RHOC: variants seen among roughly 807,000 people sequenced by gnomAD.
RHOC encodes the protein ras homolog family member C.
RHOC carries 13 observed loss-of-function variants against 19.5 expected under a neutral mutation model. The observed-to-expected ratio is 0.67, with a 90% confidence interval of 0.43 to 1.06. The LOEUF is 1.06. RHOC is among the 50% of genes least tolerant of loss of function. The pLI, the probability that RHOC is intolerant of heterozygous loss-of-function variation, is 0.00. For missense variants in RHOC, 173 were observed against 256.9 expected (o/e 0.67, Z 2.23); for synonymous variants, 106 against 97.3 (o/e 1.09, Z -0.52).
intron 1 of RHOC, chr1:112,705,372 C>T: frequency 1.6e-6 from 1 of 612,520 alleles, no homozygotes; most frequent in Non-Finnish European, 2.9e-6. Flanking sequence ...TCCCCACACC[C>T]CACCACCACC....
At chr1:112,705,046 A>T in intron 2 of RHOC, 54 bp downstream of exon 2, 1 of 702,278 alleles carries the variant, frequency 1.4e-6, no homozygotes. Context: ...TGCACAGTTC[A>T]TCACACCTTC....
chr1:112,703,957 G>A (rs554088722), intron 2 of RHOC, among the ~76,000 whole-genome samples, 151 bp from the exon 3 acceptor site: 1 of 152,332 alleles, frequency 6.6e-6, no homozygotes, highest in South Asian at 2.1e-4. Flanking sequence ...CCAATTGTGC[G>A]ACAACAGAGC....
In RHOC at chr1:112,706,489, CACACACACACACACACACACACACACA is replaced by C. The variant is rs1557780786; in HGVS notation, c.-77+562_-77+588del. 7.4e-3 allele frequency among the ~76,000 whole-genome samples: 217 copies of C among 29,412 alleles called. 5 individuals are homozygous for C. Among genetic ancestry groups the C allele is most frequent in the African/African-American group, 0.023 (198 of 8,620 alleles). 19.3% of individuals were successfully genotyped at this position (29,412 alleles called of 152,430 possible). On this transcript the variant is annotated intron_variant, in intron 1 of 5. Coordinates refer to ENST00000339083, the MANE Select transcript of RHOC (RefSeq NM_175744.5). Reference sequence around the variant, plus strand: ...CCACACACACACACACACACACACACACACACACACACACACACACACACACACACACACACACACACACACACAGAG... The same window carrying C: ...CCACACACACACACACACACACACACCACACACACACACACACACACAGAG...
At position 112,701,354 on chromosome 1, in the gene RHOC, C is replaced by T; in HGVS notation, c.*186G>A. The T allele has an allele frequency of 3.3e-6, 5 of 1,496,660 alleles. No homozygotes were observed. The highest frequency in any genetic ancestry group is 1.4e-5 in the African/African-American group (1 of 71,952). The allele number at this position is 1,496,660 out of a possible 1,614,324, so 92.7% of individuals were successfully genotyped here. A position where few individuals can be genotyped will look rare whatever the true frequency, so the allele number is the denominator to read the frequency against. On this transcript the variant is annotated 3_prime_UTR_variant, in exon 6 of 6. Transcript: ENST00000339083. The stretch of plus-strand genomic sequence containing the variant: ...GAGGAAGGGCAGGGCATAGGCGTGG[C>T]TCCCAGAGCGCTGGGAGGGAGGGCC...
chr1:112,706,495 CACACACACACACACACACA>C (rs1557780841), intron 1 of RHOC, among the ~76,000 whole-genome samples: 750 of 36,722 alleles, frequency 0.02, 59 homozygotes, highest in Admixed American at 0.19. Flanking sequence ...CACACACACA[CACACACACACACACACACA>C]CACACACACA....
chr1:112,701,708 G>A lies in RHOC; in HGVS notation c.414C>T (p.Pro138=), dbSNP rs146245689. 1.8e-3 allele frequency: 2,914 copies of A among 1,613,792 alleles called. 1 individual carries two copies. The highest frequency in any genetic ancestry group is 1.9e-3 in the Non-Finnish European group (2,279 of 1,179,972). Residue 138 remains proline (P), a synonymous_variant, in exon 6 of 6, where the codon CCC becomes CCT. Coordinates refer to ENST00000339083, the MANE Select transcript of RHOC (RefSeq NM_175744.5). ...RRELAKMKQE[P]VRSEEGRDMA... ...TGTCCCGGCCTTCCTCAGACCGAAC[G>A]GGCTCCTGAGAAGACATAAGATGAG...
chr1:112,703,370 G>A (rs1451359024), intron 3 of RHOC: 1 of 715,036 alleles, frequency 1.4e-6, no homozygotes, highest in African/African-American at 1.7e-5. Flanking sequence ...ACAACCCTTT[G>A]AGGGAGGTCT....
intron 1 of RHOC, among the ~76,000 whole-genome samples, chr1:112,706,466 A>C (rs1397752965): frequency 0.021 from 62 of 2,982 alleles, no homozygotes; most frequent in African/African-American, 0.046. Context: ...CACACACACC[A>C]CACACACACA....
chr1:112,703,206 A>G, intron 3 of RHOC, 87 bp from the exon 4 acceptor site: 1 of 1,499,738 alleles, frequency 6.7e-7, no homozygotes, highest in East Asian at 2.3e-5. Flanking sequence ...CTTCGGGCTC[A>G]CTGAACTTCT....
At chr1:112,704,831 A>C in intron 2 of RHOC, 1 of 495,016 alleles carries the variant, frequency 2.0e-6, no homozygotes, top group Non-Finnish European at 3.7e-6. Context: ...CAATGACCAC[A>C]CTGTAGGGAG....
rs1051020286 is a variant in RHOC at position 112,702,163 on chromosome 1, C to G, written c.408+400G>C. ...TTACAGGTCCCTGAATAAGCCAGCT[C>G]TCACATCCCTTCTTCCAGCCACTTA... On this transcript the variant is annotated intron_variant, in intron 5 of 5. Coordinates refer to ENST00000339083, the MANE Select transcript of RHOC (RefSeq NM_175744.5). Among the ~76,000 whole-genome samples the G allele has an allele frequency of 3.9e-5, 6 of 152,180 alleles. No individual in the cohort carries two copies. The East Asian group carries it at 1.2e-3, about 29-fold the overall frequency.
rs534491665 is a variant in RHOC, at chr1:112,705,151, G to A, written c.-59C>T. 45 of 702,488 alleles carry A rather than the reference G, an allele frequency of 6.4e-5. No individual in the cohort carries two copies. The African/African-American group carries it at 6.6e-4, about 10-fold the overall frequency. The allele number at this position is 702,488 out of a possible 1,614,324, so 43.5% of individuals were successfully genotyped here. ...GCAGGAAGAGAGGGCGGGCTCTGGA[G>A]CTGAGATGAAGTCAAGGCTGTTGGG... On this transcript the variant is annotated 5_prime_UTR_variant, in exon 2 of 6. Coordinates refer to ENST00000339083, the MANE Select transcript of RHOC (RefSeq NM_175744.5).
intron 4 of RHOC, 34 bp downstream of exon 4, chr1:112,702,965 G>A (rs369549108): frequency 6.2e-7 from 1 of 1,608,536 alleles, no homozygotes. Flanking sequence ...CTGATTCCAA[G>A]GGGTTCTCAG....
Position 112,703,043 on chromosome 1 carries a change from T to A in RHOC, c.233A>T (p.Asp78Val), listed in dbSNP as rs1674712460. Residue 78 changes from aspartate (D) to valine (V), a missense_variant, in exon 4 of 6, where the codon GAT becomes GTT. This residue lies in a region of RHOC where 92 missense variants were observed against 171.1 expected (regional missense o/e 0.54). Transcript: ENST00000339083. ...GATGGAGAAGCACATGAGGATGACA[T>A]CAGTGTCCGGGTAGGAGAGAGGCCG... ...RLRPLSYPDT[D>V]VILMCFSIDS... The A allele has an allele frequency of 1.9e-6, 3 of 1,614,078 alleles. No homozygotes were observed. Among genetic ancestry groups the A allele is most frequent in the Non-Finnish European group, 2.5e-6 (3 of 1,180,008 alleles).
At chr1:112,704,136 G>C in intron 2 of RHOC, 1 of 261,014 alleles carries the variant, frequency 3.8e-6, no homozygotes, top group Non-Finnish European at 7.4e-6. Context: ...CAGGGATGCG[G>C]GACGTCCAGG....
intron 1 of RHOC, among the ~76,000 whole-genome samples, chr1:112,706,462 CACCACACACA>C (rs1674867909): frequency 1.7e-4 from 3 of 17,206 alleles, no homozygotes; most frequent in African/African-American, 7.3e-4. Context: ...CACACACACA[CACCACACACA>C]CACACACACA....
chr1:112,707,338 G>A (rs1431295669), upstream of RHOC: 1 of 152,496 alleles, frequency 6.6e-6, no homozygotes. Context: ...TTCCTGGACT[G>A]CGGAGGAGCC....
Position 112,706,481 on chromosome 1 carries a change from CA to C in RHOC, c.-77+596del, listed in dbSNP as rs570310378. Among the ~76,000 whole-genome samples, 26 of 6,730 alleles carry C rather than the reference CA, an allele frequency of 3.9e-3. 1 individual carries two copies. The highest frequency in any genetic ancestry group is 4.9e-3 in the Non-Finnish European group (14 of 2,844). The allele number at this position is 6,730 out of a possible 152,430, so 4.4% of individuals were successfully genotyped here. On this transcript the variant is annotated intron_variant, in intron 1 of 5. Coordinates refer to ENST00000339083, the MANE Select transcript of RHOC (RefSeq NM_175744.5). ...CACACACACCACACACACACACACA[CA>C]CACACACACACACACACACACACAC...
At chr1:112,704,834 G>A (rs1674784973) in intron 2 of RHOC, 2 of 514,458 alleles carry the variant, frequency 3.9e-6, no homozygotes, top group Admixed American at 6.3e-5. Context: ...TGACCACACT[G>A]TAGGGAGCCA....
Sources: gnomAD v4.1 joint callset for allele counts (sites outside exome capture counted in the v4.1 genomes callset) on GRCh38, gnomAD v4.1.1 for gene constraint, gnomAD v4.1.1 regional missense constraint, MANE v1.5 for transcripts, NCBI Gene and HGNC (gene_info 2026-07-23, HGNC 2026-07-21) for gene names.